Variants in SLC25A26 observed in about 807,000 individuals in gnomAD.
SLC25A26 encodes solute carrier family 25 member 26, also known as mitochondrial S-adenosylmethionine carrier protein.
A neutral mutation model predicts 37.8 loss-of-function variants in SLC25A26; 36 were observed. The ratio of observed to expected loss-of-function variants is 0.95; its 90% CI spans 0.73 to 1.26. The LOEUF is 1.26. Among genes scored for constraint, SLC25A26 ranks in the 50% most tolerant of loss-of-function variants. The probability of loss-of-function intolerance (pLI) is 0.00; values close to 1 mark genes in which losing one functional copy is unlikely to be tolerated. For missense variants in SLC25A26, 390 were observed against 331.1 expected (o/e 1.18, Z -1.38); for synonymous variants, 129 against 122.5 (o/e 1.05, Z -0.35).
At chr3:66,226,044 C>T (rs181793656) in intron 1 of SLC25A26, among the ~76,000 whole-genome samples, 8 of 152,314 alleles carry the variant, frequency 5.3e-5, no homozygotes, top group African/African-American at 9.6e-5. Context: ...ATTCTGAAGT[C>T]GCTTCCACAT....
chr3:66,338,728 G>A (rs907657292), intron 5 of SLC25A26, among the ~76,000 whole-genome samples: 1 of 151,900 alleles, frequency 6.6e-6, no homozygotes, highest in African/African-American at 2.4e-5. Context: ...CCAAACTACA[G>A]CTTCTAACGC....
rs140303935 is a variant in SLC25A26, at chr3:66,280,484, G to C, written c.453+17105G>C. On this transcript the variant is annotated intron_variant, in intron 5 of 9. Transcript: ENST00000354883. The stretch of plus-strand genomic sequence containing the variant: ...ACATTTCTCTGTTTAATACCAGTGA[G>C]AAAGCTGACCTTTGGTGGTGTAACT... Among the ~76,000 whole-genome samples, 463 of 152,266 alleles carry C rather than the reference G, an allele frequency of 3.0e-3. 3 individuals are homozygous for C. The highest frequency in any genetic ancestry group is 0.017 in the East Asian group (88 of 5,174).
intron 1 of SLC25A26, among the ~76,000 whole-genome samples, chr3:66,161,634 T>G (rs1372771332): frequency 1.3e-5 from 2 of 152,226 alleles, no homozygotes; most frequent in Non-Finnish European, 2.9e-5. Context: ...AATTCATGTC[T>G]TTTCTTCAGT....
At chr3:66,231,332 C>T (rs1344024487) in intron 1 of SLC25A26, among the ~76,000 whole-genome samples, 3 of 152,004 alleles carry the variant, frequency 2.0e-5, no homozygotes, top group Non-Finnish European at 4.4e-5. Flanking sequence ...TGAGTGGCTT[C>T]TATATATCAA....
At chr3:66,257,089 T>C (rs2073333706) in intron 3 of SLC25A26, among the ~76,000 whole-genome samples, 1 of 149,756 alleles carries the variant, frequency 6.7e-6, no homozygotes. Flanking sequence ...GAAGAGGAAA[T>C]ATATTTCACA....
chr3:66,160,378 G>A (rs562272699), intron 1 of SLC25A26, among the ~76,000 whole-genome samples: 1 of 152,256 alleles, frequency 6.6e-6, no homozygotes, highest in African/African-American at 2.4e-5. Context: ...AACAGCCAGT[G>A]GGTAAAAATA....
At chr3:66,209,294 G>GCTATATGTATGTATATATACATATATAT (rs1247343151) in intron 1 of SLC25A26, among the ~76,000 whole-genome samples, 139 of 135,178 alleles carry the variant, frequency 1.0e-3, no homozygotes, top group South Asian at 6.2e-3. Context: ...ATAATATATA[G>GCTATATGTATGTATATATACATATATAT]CTATATGTAT....
At chr3:66,322,110 AT>A (rs2075710822) in intron 5 of SLC25A26, among the ~76,000 whole-genome samples, 1 of 152,074 alleles carries the variant, frequency 6.6e-6, no homozygotes, top group South Asian at 2.1e-4. Context: ...ATCATAGCAA[AT>A]TTGCTTTAAA....
At position 66,371,267 on chromosome 3, in the gene SLC25A26, G is replaced by A. The variant is rs533872746; in HGVS notation, c.707+665G>A. 851 of 1,548,904 alleles carry A rather than the reference G, an allele frequency of 5.5e-4. 15 individuals carry two copies. The South Asian group carries it at 9.4e-3, about 17-fold the overall frequency. ...GGCCTCCCTTTGCAGAGGGTCGGTC[G>A]GCAGCTGCCTGGACTTCGGGCGTCT... is the stretch of plus-strand genomic sequence containing the variant. On this transcript the variant is annotated intron_variant, in intron 9 of 9. Coordinates refer to ENST00000354883, the MANE Select transcript of SLC25A26 (RefSeq NM_001379210.1).
rs1393362259 is a variant in SLC25A26, at chr3:66,182,719, G to GGGA, written c.-353-38021_-353-38020insAGG. On this transcript the variant is annotated intron_variant, in intron 1 of 10. Coordinates refer to the SLC25A26 transcript ENST00000676754. ...GGCCTCAACCTGCAGTGGGCGGCGG[G>GGGA]GGGGGGGGGTGGGGTATCAGTAGAA... Among the ~76,000 whole-genome samples the GGGA allele has an allele frequency of 1.1e-3, 38 of 35,942 alleles. 1 individual carries two copies. The highest frequency in any genetic ancestry group is 4.6e-3 in the African/African-American group (38 of 8,236). 23.6% of individuals were successfully genotyped at this position (35,942 alleles called of 152,430 possible). A position where few individuals can be genotyped will look rare whatever the true frequency, so the allele number is the denominator to read the frequency against.
At chr3:66,187,549 C>T (rs1217301733) in intron 1 of SLC25A26, among the ~76,000 whole-genome samples, 2 of 152,014 alleles carry the variant, frequency 1.3e-5, no homozygotes, top group Non-Finnish European at 2.9e-5. Context: ...CTGACTCTAC[C>T]CTTACCCTGG....
chr3:66,348,016 C>G (rs1279216808), intron 6 of SLC25A26, among the ~76,000 whole-genome samples: 3 of 152,150 alleles, frequency 2.0e-5, no homozygotes, highest in Admixed American at 1.3e-4. Flanking sequence ...AAATAGCTAA[C>G]ACATGCTGGG....
intron 1 of SLC25A26, among the ~76,000 whole-genome samples, chr3:66,174,880 G>C (rs140389897): frequency 0.18 from 27,848 of 151,044 alleles, 2,941 homozygotes; most frequent in South Asian, 0.3. Context: ...TGAAGCTCTA[G>C]AGATGTAGTC....
chr3:66,355,323 A>G (rs2107777946), intron 6 of SLC25A26, among the ~76,000 whole-genome samples: 1 of 152,096 alleles, frequency 6.6e-6, no homozygotes, highest in South Asian at 2.1e-4. Flanking sequence ...GCCAACATAT[A>G]TTATTGCCCA....
At chr3:66,282,861 T>C (rs2074392073) in intron 5 of SLC25A26, among the ~76,000 whole-genome samples, 1 of 152,222 alleles carries the variant, frequency 6.6e-6, no homozygotes, top group South Asian at 2.1e-4. Context: ...CCCTGCTTCC[T>C]ACTGCTGGCA....
At chr3:66,377,058 AG>A (rs1360957316) in intron 9 of SLC25A26, among the ~76,000 whole-genome samples, 4 of 151,830 alleles carry the variant, frequency 2.6e-5, no homozygotes, top group Admixed American at 6.6e-5. Context: ...AGGTATGGGG[AG>A]GGGGGGCAGT....
intron 6 of SLC25A26, among the ~76,000 whole-genome samples, chr3:66,355,009 A>G (rs2076543830): frequency 6.6e-6 from 1 of 152,170 alleles, no homozygotes; most frequent in Non-Finnish European, 1.5e-5. Context: ...CAGCGATGTG[A>G]AAATGGACTA....
intron 1 of SLC25A26, among the ~76,000 whole-genome samples, chr3:66,208,460 C>T (rs1040737798): frequency 2.0e-5 from 3 of 151,626 alleles, no homozygotes; most frequent in Admixed American, 1.3e-4. Context: ...TTTCACATGC[C>T]CTCTTGCCAG....
At position 66,377,995 on chromosome 3, in the gene SLC25A26, A is replaced by G; in HGVS notation, c.*188A>G. ...ATGAAGTCATTGGCCTGTATGCCAG[A>G]GAGCTAAGAGAAGAAAACGGGGTCT... is the stretch of plus-strand genomic sequence containing the variant. On this transcript the variant is annotated 3_prime_UTR_variant, in exon 10 of 10. Transcript: ENST00000354883. The G allele has an allele frequency of 1.9e-6, 1 of 528,440 alleles. No homozygotes were observed. Among genetic ancestry groups the G allele is most frequent in the Non-Finnish European group, 3.4e-6 (1 of 296,350 alleles). 32.7% of individuals were successfully genotyped at this position (528,440 alleles called of 1,614,324 possible). A position where few individuals can be genotyped will look rare whatever the true frequency, so the allele number is the denominator to read the frequency against.
Sources: allele counts gnomAD v4.1 joint callset (sites outside exome capture counted in the v4.1 genomes callset), GRCh38; gene constraint gnomAD v4.1.1; transcripts MANE v1.5; gene names NCBI Gene and HGNC (gene_info 2026-07-23, HGNC 2026-07-21).